The following PTBP2 variants were observed in gnomAD, a reference collection of about 807,000 sequenced individuals.
The protein encoded by PTBP2 is polypyrimidine tract binding protein 2.
In PTBP2, 13 loss-of-function variants were observed where a neutral mutation model predicts 61.4. The ratio of observed to expected loss-of-function variants is 0.21; its 90% CI spans 0.14 to 0.34. The LOEUF is 0.34. Among genes scored for constraint, PTBP2 ranks in the 10% least tolerant of loss-of-function variants. PTBP2 has a pLI of 1.00. For missense variants in PTBP2, 405 were observed against 642.6 expected (o/e 0.63, Z 4.00); for synonymous variants, 215 against 218.5 (o/e 0.98, Z 0.14).
At chr1:96,816,096 C>T (rs1338126408), downstream of PTBP2, 3 of 152,176 alleles carry the variant, frequency 2.0e-5, no homozygotes, top group Non-Finnish European at 1.5e-5. Flanking sequence ...GTGCCAGTTG[C>T]TAAGCTGGTG....
intron 2 of PTBP2, among the ~76,000 whole-genome samples, chr1:96,750,631 A>G (rs753193410): frequency 2.1e-4 from 32 of 152,012 alleles, no homozygotes; most frequent in Non-Finnish European, 4.6e-4. Flanking sequence ...TGATGGTTGC[A>G]TTTAACTTCT....
downstream of PTBP2, chr1:96,817,690 C>T (rs955857970): frequency 7.2e-5 from 11 of 151,990 alleles, no homozygotes; most frequent in African/African-American, 2.2e-4. Context: ...CCCATATGAA[C>T]CTCTTTCTGA....
chr1:96,777,809 A>G (rs1658204142), intron 6 of PTBP2, 27 bp from the exon 7 acceptor site: 2 of 1,535,920 alleles, frequency 1.3e-6, no homozygotes, highest in Non-Finnish European at 1.8e-6. Flanking sequence ...GTAAATAAGT[A>G]ATGTTTTGAT....
intron 9 of PTBP2, 111 bp downstream of exon 9, chr1:96,805,050 CAA>C (rs1243685772): frequency 1.2e-6 from 1 of 823,764 alleles, no homozygotes; most frequent in African/African-American, 1.7e-5. Flanking sequence ...ATTCATTAGT[CAA>C]AGTATTTTCT....
At chr1:96,789,926 T>A (rs999272151) in intron 8 of PTBP2, among the ~76,000 whole-genome samples, 3 of 152,118 alleles carry the variant, frequency 2.0e-5, no homozygotes, top group Non-Finnish European at 4.4e-5. Flanking sequence ...TGACAATGAT[T>A]TCTTAATGTC....
rs1162296349 is a variant in PTBP2, at chr1:96,746,919, CT to C, written c.40-4504del. 3.5e-4 allele frequency among the ~76,000 whole-genome samples: 14 copies of C among 40,074 alleles called. No individual in the cohort carries two copies. In the South Asian group the frequency reaches 3.7e-3, roughly 10 times the overall value. The allele number at this position is 40,074 out of a possible 152,430, so 26.3% of individuals were successfully genotyped here. On this transcript the variant is annotated intron_variant, in intron 2 of 13. Coordinates refer to ENST00000674951, the MANE Select transcript of PTBP2 (RefSeq NM_021190.4). ...CCTCCCTCCCTCCCTCCCTCCCTTCCTTCCTTCCTTCCTTCCTTCCTTCCTA... is the reference window on the plus strand; with the variant it reads ...CCTCCCTCCCTCCCTCCCTCCCTTCCTCCTTCCTTCCTTCCTTCCTTCCTA...
At chr1:96,777,225 G>A (rs1337592133) in intron 5 of PTBP2, among the ~76,000 whole-genome samples, 1 of 152,140 alleles carries the variant, frequency 6.6e-6, no homozygotes, top group Non-Finnish European at 1.5e-5. Context: ...GTTTTATGGA[G>A]TGATTAATGT....
rs1661502465 is a variant in PTBP2, at chr1:96,806,448, C to T, written c.1074C>T (p.Leu358=). ...EMVTPQSLFT[L]FGVYGDVQRV... is the part of the protein sequence containing the mutation. ...TTACGCCCCAAAGTCTGTTTACCCT[C>T]TTCGGTATGTTATTGTTAGCACTAT... Residue 358 remains leucine (L), a synonymous_variant, in exon 10 of 14, where the codon CTC becomes CTT. Coordinates refer to ENST00000674951, the MANE Select transcript of PTBP2 (RefSeq NM_021190.4). The T allele has an allele frequency of 1.9e-6, 3 of 1,604,716 alleles. No homozygotes were observed. The highest frequency in any genetic ancestry group is 2.6e-6 in the Non-Finnish European group (3 of 1,171,618).
chr1:96,801,504 A>G (rs1660993738), intron 8 of PTBP2, among the ~76,000 whole-genome samples: 2 of 152,056 alleles, frequency 1.3e-5, no homozygotes, highest in African/African-American at 2.4e-5. Context: ...TTTTTCTCTT[A>G]ATAGCATACA....
intron 11 of PTBP2, 67 bp downstream of exon 11, chr1:96,807,025 C>A: frequency 2.5e-6 from 3 of 1,223,222 alleles, no homozygotes; most frequent in Non-Finnish European, 3.5e-6. Context: ...TGTGAATGTG[C>A]GAATAAAAAT....
intron 8 of PTBP2, among the ~76,000 whole-genome samples, chr1:96,801,422 C>A (rs1660982050): frequency 6.6e-6 from 1 of 152,072 alleles, no homozygotes; most frequent in Admixed American, 6.6e-5. Context: ...TTCCTGAGAT[C>A]TTCATAGGGG....
intron 3 of PTBP2, among the ~76,000 whole-genome samples, chr1:96,765,571 T>A (rs1656587377): frequency 6.6e-6 from 1 of 151,990 alleles, no homozygotes; most frequent in South Asian, 2.1e-4. Context: ...ATTAGCTGGG[T>A]GTGGTGGTGC....
chr1:96,791,573 G>A (rs1659795608), intron 8 of PTBP2, among the ~76,000 whole-genome samples: 3 of 152,060 alleles, frequency 2.0e-5, no homozygotes, highest in Admixed American at 6.6e-5. Flanking sequence ...TTTCTAAAAC[G>A]AAACCCCAGA....
At chr1:96,771,038 C>T (rs1366601548) in intron 5 of PTBP2, 187 bp downstream of exon 5, 1 of 457,062 alleles carries the variant, frequency 2.2e-6, no homozygotes, top group East Asian at 4.0e-5. Flanking sequence ...TCCTTTAATC[C>T]CCTGGTCAAA....
intron 2 of PTBP2, among the ~76,000 whole-genome samples, chr1:96,735,092 GT>G (rs1651988299): frequency 6.6e-6 from 1 of 151,246 alleles, no homozygotes; most frequent in African/African-American, 2.4e-5. Flanking sequence ...TAATTTTTGT[GT>G]TTTTAGTAGG....
At chr1:96,750,043 A>G (rs1364318490) in intron 2 of PTBP2, among the ~76,000 whole-genome samples, 6 of 151,992 alleles carry the variant, frequency 3.9e-5, no homozygotes, top group Admixed American at 6.6e-5. Flanking sequence ...AAACTTTAGC[A>G]TGCATCAGAA....
At position 96,813,749 on chromosome 1, in the gene PTBP2, G is replaced by A. The variant is rs1416666; in HGVS notation, c.*344G>A. 1 of 151,236 alleles carries A rather than the reference G, an allele frequency of 6.6e-6. No homozygotes were observed. Among genetic ancestry groups the A allele is most frequent in the East Asian group, 1.8e-4 (1 of 5,426 alleles). 9.4% of individuals were successfully genotyped at this position (151,236 alleles called of 1,614,324 possible). A position where few individuals can be genotyped will look rare whatever the true frequency, so the allele number is the denominator to read the frequency against. On this transcript the variant is annotated 3_prime_UTR_variant, in exon 14 of 14. Coordinates refer to ENST00000674951, the MANE Select transcript of PTBP2 (RefSeq NM_021190.4). ...TAGTGTTGCTATTGTGCATTTACTAGAAAAAAGGAATTGGTTGTTTAGGGC... is the reference window on the plus strand; with the variant it reads ...TAGTGTTGCTATTGTGCATTTACTAAAAAAAAGGAATTGGTTGTTTAGGGC...
At chr1:96,755,288 C>T (rs1200373376) in intron 3 of PTBP2, among the ~76,000 whole-genome samples, 1 of 152,100 alleles carries the variant, frequency 6.6e-6, no homozygotes, top group East Asian at 1.9e-4. Flanking sequence ...ATTAAAACTA[C>T]AGTGAGATAA....
intron 8 of PTBP2, among the ~76,000 whole-genome samples, chr1:96,791,835 T>TTTTTTTTTTTG (rs1557759225): frequency 6.6e-5 from 2 of 30,514 alleles, no homozygotes; most frequent in African/African-American, 3.8e-4. Context: ...GCTTTTTTTT[T>TTTTTTTTTTTG]TTTTTTTTTT....
Sources: gnomAD v4.1 joint callset for allele counts (sites outside exome capture counted in the v4.1 genomes callset) on GRCh38, gnomAD v4.1.1 for gene constraint, MANE v1.5 for transcripts, NCBI Gene and HGNC (gene_info 2026-07-23, HGNC 2026-07-21) for gene names.